STARD8: variants seen among roughly 807,000 people sequenced by gnomAD.
STARD8 encodes the protein stAR-related lipid transfer protein 8.
In STARD8, 25 loss-of-function variants were observed where a neutral mutation model predicts 69.4. The ratio of observed to expected loss-of-function variants is 0.36; its 90% CI spans 0.26 to 0.50. The LOEUF (loss-of-function observed/expected upper bound fraction) is 0.50. Ranked by LOEUF, STARD8 falls within the 20% of genes least tolerant of loss-of-function variation. The pLI, the probability that STARD8 is intolerant of heterozygous loss-of-function variation, is 0.96. For synonymous variants in STARD8, 389 were observed against 374.6 expected (o/e 1.04, Z -0.45); for missense variants, 921 against 932.5 (o/e 0.99, Z 0.16).
rs1178498065 is a variant in STARD8 at position 68,723,776 on chromosome X, G to A, written c.2950G>A (p.Val984Met). The change falls in exon 13 of 15, where the codon GTG becomes ATG. Residue 984 changes from valine to methionine, a missense_variant. Val to Met is a conservative substitution (Grantham distance 21). Coordinates refer to ENST00000374599, the MANE Select transcript of STARD8 (RefSeq NM_001142503.3). ...AQVLEALMPG[V>M]ELYHYVTDSM... ...GGTGCTGGAAGCCCTGATGCCGGGT[G>A]TGGAGCTGTACCACTATGTCACCGA... is the stretch of plus-strand genomic sequence containing the variant. 2.5e-6 allele frequency: 3 copies of A among 1,180,340 alleles called. No homozygotes were observed. Among genetic ancestry groups the A allele is most frequent in the South Asian group, 1.9e-5 (1 of 53,669 alleles).
chrX:68,666,772 C>T (rs980083920), intron 2 of STARD8, among the ~76,000 whole-genome samples: 6 of 112,497 alleles, frequency 5.3e-5, no homozygotes, highest in African/African-American at 1.9e-4. Flanking sequence ...CTTTCCCCGT[C>T]ATCATCATTC....
At chrX:68,678,424 C>G (rs1314576851) in intron 2 of STARD8, among the ~76,000 whole-genome samples, 1 of 111,794 alleles carries the variant, frequency 8.9e-6, no homozygotes, top group Non-Finnish European at 1.9e-5. Flanking sequence ...GTGATAGGGT[C>G]AGTGAGTGCT....
intron 2 of STARD8, among the ~76,000 whole-genome samples, chrX:68,672,791 T>C (rs1293352008): frequency 9.0e-6 from 1 of 111,187 alleles, no homozygotes; most frequent in African/African-American, 3.3e-5. Context: ...GGGTTCCTGC[T>C]GTGTGACCTT....
chrX:68,672,645 C>T (rs550471397), intron 2 of STARD8, among the ~76,000 whole-genome samples: 1 of 111,285 alleles, frequency 9.0e-6, no homozygotes, highest in African/African-American at 3.3e-5. Context: ...CGTTCCCTCA[C>T]CACAGCCTGA....
intron 2 of STARD8, among the ~76,000 whole-genome samples, chrX:68,703,806 G>A (rs1214342119): frequency 9.0e-6 from 1 of 111,580 alleles, no homozygotes. Flanking sequence ...TCAAGTGAAC[G>A]TGGGTGCCCT....
intron 8 of STARD8, 127 bp downstream of exon 8, chrX:68,720,550 A>C: frequency 1.2e-6 from 1 of 831,938 alleles, no homozygotes; most frequent in Non-Finnish European, 1.6e-6. Flanking sequence ...GGGCTGGTCC[A>C]CCAGAGGCCT....
At chrX:68,669,769 G>A (rs1392213281) in intron 2 of STARD8, among the ~76,000 whole-genome samples, 2 of 112,298 alleles carry the variant, frequency 1.8e-5, no homozygotes, top group East Asian at 5.6e-4. Flanking sequence ...CTGAGGGGGC[G>A]GGGAGACAGA....
At position 68,717,769 on chromosome X, in the gene STARD8, G is replaced by A. The variant is rs751936233; in HGVS notation, c.855G>A (p.Ser285=). ...CCTGGGAGGCCTGGCCTGTGGCCTCGTTCCGGCATCCTCAGTGGACACACC... is the reference window on the plus strand; with the variant it reads ...CCTGGGAGGCCTGGCCTGTGGCCTCATTCCGGCATCCTCAGTGGACACACC... ...RKAWEAWPVA[S]FRHPQWTHRG... Residue 285 remains serine, a synonymous_variant, in exon 6 of 15, where the codon TCG becomes TCA. Transcript: ENST00000374599. 17 of 1,210,625 alleles carry A rather than the reference G, an allele frequency of 1.4e-5. No individual in the cohort carries two copies. In the South Asian group the frequency reaches 2.3e-4, roughly 16 times the overall value.
At chrX:68,722,250 C>A in intron 11 of STARD8, 89 bp downstream of exon 11, 1 of 864,047 alleles carries the variant, frequency 1.2e-6, no homozygotes, top group Non-Finnish European at 1.6e-6. Flanking sequence ...GGATAGGACC[C>A]AATTTGACAC....
chrX:68,675,159 T>C (rs1465734982), intron 2 of STARD8, among the ~76,000 whole-genome samples: 1 of 110,494 alleles, frequency 9.1e-6, no homozygotes, highest in African/African-American at 3.3e-5. Context: ...GGTTTCACCA[T>C]GTTGGCCAGG....
chrX:68,720,337 C>T lies in STARD8; in HGVS notation c.1963C>T (p.Leu655Phe). 1 of 1,206,963 alleles carries T rather than the reference C, an allele frequency of 8.3e-7. No homozygotes were observed. Among genetic ancestry groups the T allele is most frequent in the Non-Finnish European group, 1.1e-6 (1 of 893,066 alleles). Residue 655 changes from leucine to phenylalanine, a missense_variant, in exon 8 of 15, where the codon CTC becomes TTC. Leu to Phe is a conservative substitution (Grantham distance 22). Coordinates refer to ENST00000374599, the MANE Select transcript of STARD8 (RefSeq NM_001142503.3). Reference protein sequence around the residue: ...RGQHVFGVPPLIHVQRTGQPL... With the variant: ...RGQHVFGVPPFIHVQRTGQPL... ...ACAGCACGTATTTGGGGTGCCACCC[C>T]TCATCCACGTGCAGCGCACGGGCCA... is the stretch of plus-strand genomic sequence containing the variant.
chrX:68,652,105 G>C (rs1422563505), intron 1 of STARD8, among the ~76,000 whole-genome samples: 1 of 108,385 alleles, frequency 9.2e-6, no homozygotes, highest in African/African-American at 3.4e-5. Context: ...TGATCAGCCC[G>C]CCTTGGCTTC....
intron 2 of STARD8, among the ~76,000 whole-genome samples, chrX:68,676,930 G>T (rs1030305287): frequency 1.8e-5 from 2 of 109,502 alleles, no homozygotes; most frequent in Non-Finnish European, 3.8e-5. Flanking sequence ...AGGATCATTT[G>T]TGTCCAGGAG....
intron 2 of STARD8, among the ~76,000 whole-genome samples, chrX:68,668,274 C>CTTTCTTTCTTTCTCTT (rs1287993380): frequency 1.3e-4 from 9 of 66,751 alleles, no homozygotes; most frequent in African/African-American, 5.1e-4. Context: ...TTCTTTCTTT[C>CTTTCTTTCTTTCTCTT]TCTTTCTTTC....
intron 1 of STARD8, among the ~76,000 whole-genome samples, chrX:68,659,083 C>T (rs2079628592): frequency 8.9e-6 from 1 of 112,110 alleles, no homozygotes; most frequent in Non-Finnish European, 1.9e-5. Flanking sequence ...AGCCCTGGTT[C>T]TGCCTCCTCT....
intron 2 of STARD8, among the ~76,000 whole-genome samples, chrX:68,699,487 G>A (rs994684476): frequency 8.9e-6 from 1 of 112,238 alleles, no homozygotes; most frequent in African/African-American, 3.2e-5. Flanking sequence ...TGGGTTCCGA[G>A]TGTGCCCTCT....
At chrX:68,722,368 C>A in intron 11 of STARD8, 54 bp from the exon 12 acceptor site, 1 of 1,091,511 alleles carries the variant, frequency 9.2e-7, no homozygotes, top group South Asian at 2.1e-5. Context: ...TGACAGACCC[C>A]ATGGGGTCTC....
intron 7 of STARD8, 82 bp downstream of exon 7, chrX:68,719,480 G>A: frequency 1.9e-6 from 2 of 1,026,228 alleles, no homozygotes; most frequent in Non-Finnish European, 2.6e-6. Flanking sequence ...CAGGAGGTGG[G>A]TGCAGGCAGG....
At position 68,717,430 on chromosome X, in the gene STARD8, G is replaced by A; in HGVS notation, c.516G>A (p.Leu172=). 8.3e-7 allele frequency: 1 copy of A among 1,209,918 alleles called. No individual in the cohort carries two copies. ...GCCTACCACCCGAGCCAGCAGACTTGCCCTTGCCAGGCCGTGCCCCCAGCT... is the reference window on the plus strand; with the variant it reads ...GCCTACCACCCGAGCCAGCAGACTTACCCTTGCCAGGCCGTGCCCCCAGCT... ...TVSLPPEPAD[L]PLPGRAPSSS... is the part of the protein sequence containing the mutation. The change falls in exon 6 of 15, where the codon TTG becomes TTA. Residue 172 remains leucine (L), a synonymous_variant. Transcript: ENST00000374599.
Sources: gnomAD v4.1 joint callset for allele counts (sites outside exome capture counted in the v4.1 genomes callset) on GRCh38, gnomAD v4.1.1 for gene constraint, MANE v1.5 for transcripts, NCBI Gene and HGNC (gene_info 2026-07-23, HGNC 2026-07-21) for gene names.